The following USP32 variants were observed in gnomAD, a reference collection of about 807,000 sequenced individuals.
USP32 encodes ubiquitin carboxyl-terminal hydrolase 32.
USP32 carries 59 observed loss-of-function variants against 204.8 expected under a neutral mutation model. The ratio of observed to expected loss-of-function variants is 0.29; its 90% CI spans 0.23 to 0.36. The LOEUF (loss-of-function observed/expected upper bound fraction) is 0.36, where lower values mean the gene tolerates loss of function less well. Among genes scored for constraint, USP32 ranks in the 10% least tolerant of loss-of-function variants. The pLI is 1.00. For missense variants in USP32, 1,160 were observed against 1,946.4 expected, an observed-to-expected ratio of 0.60 and a Z score of 7.60; for synonymous variants, 517 against 678.4, an observed-to-expected ratio of 0.76 and a Z score of 3.70.
chr17:60,180,736 T>C, intron 32 of USP32, 99 bp from the exon 33 acceptor site: 2 of 1,225,144 alleles, frequency 1.6e-6, no homozygotes, highest in Non-Finnish European at 2.3e-6. Flanking sequence ...ATCATGTAAA[T>C]GATCAGTAGG....
intron 11 of USP32, among the ~76,000 whole-genome samples, chr17:60,242,796 T>C (rs190566078): frequency 3.3e-5 from 5 of 152,184 alleles, no homozygotes; most frequent in South Asian, 2.1e-4. Context: ...CTTAGGTAAA[T>C]TGTGAAATCA....
intron 1 of USP32, among the ~76,000 whole-genome samples, chr17:60,372,655 C>T (rs1427860487): frequency 6.8e-6 from 1 of 147,776 alleles, no homozygotes; most frequent in Admixed American, 6.8e-5. Context: ...GTCTGGGTAA[C>T]ACAGTAAGAC....
intron 2 of USP32, among the ~76,000 whole-genome samples, chr17:60,335,501 T>C (rs2088494497): frequency 7.0e-6 from 1 of 143,294 alleles, no homozygotes; most frequent in African/African-American, 3.0e-5. Context: ...TGTGGTCTGG[T>C]GACCTATAAA....
chr17:60,390,937 T>C (rs1001052927), intron 1 of USP32, among the ~76,000 whole-genome samples: 1 of 152,170 alleles, frequency 6.6e-6, no homozygotes, highest in Non-Finnish European at 1.5e-5. Flanking sequence ...ATTAAGACAT[T>C]CCGGCCATAA....
At chr17:60,328,502 T>G (rs1039177413) in intron 2 of USP32, among the ~76,000 whole-genome samples, 1 of 152,192 alleles carries the variant, frequency 6.6e-6, no homozygotes, top group Non-Finnish European at 1.5e-5. Flanking sequence ...AAGCTCCTCT[T>G]CATCTTCCTC....
intron 1 of USP32, among the ~76,000 whole-genome samples, chr17:60,387,963 A>T (rs544197199): frequency 6.6e-6 from 1 of 152,170 alleles, no homozygotes; most frequent in African/African-American, 2.4e-5. Flanking sequence ...GTAAAGTTAA[A>T]TTGTAAGTCG....
intron 4 of USP32, among the ~76,000 whole-genome samples, chr17:60,294,115 A>C (rs1036822306): frequency 2.0e-5 from 3 of 152,148 alleles, no homozygotes; most frequent in East Asian, 3.8e-4. Flanking sequence ...TACATTGTCC[A>C]GGCTGGTCTT....
intron 1 of USP32, among the ~76,000 whole-genome samples, chr17:60,420,856 C>A (rs925241485): frequency 1.3e-5 from 2 of 152,038 alleles, no homozygotes; most frequent in Non-Finnish European, 2.9e-5. Flanking sequence ...TGGAATCATA[C>A]CTTTTAGTTC....
intron 1 of USP32, among the ~76,000 whole-genome samples, chr17:60,349,591 AAAAAAAT>A (rs1437548818): frequency 2.0e-5 from 1 of 49,726 alleles, no homozygotes; most frequent in Non-Finnish European, 3.3e-5. Flanking sequence ...AAAAAAAAAA[AAAAAAAT>A]ATATATATAT....
At chr17:60,346,749 C>A (rs1024179063) in intron 1 of USP32, among the ~76,000 whole-genome samples, 1 of 152,132 alleles carries the variant, frequency 6.6e-6, no homozygotes, top group African/African-American at 2.4e-5. Flanking sequence ...ACAGAGAATT[C>A]TTCCAGATGA....
intron 2 of USP32, among the ~76,000 whole-genome samples, chr17:60,322,056 TA>T (rs1036099798): frequency 6.6e-6 from 1 of 152,158 alleles, no homozygotes; most frequent in Non-Finnish European, 1.5e-5. Flanking sequence ...GAAAAAAAGT[TA>T]AGTAAAATGT....
intron 2 of USP32, among the ~76,000 whole-genome samples, chr17:60,307,392 C>T (rs1598224147): frequency 6.6e-6 from 1 of 152,286 alleles, no homozygotes. Flanking sequence ...TGAGCCACCA[C>T]ACCCAGCCAG....
chr17:60,383,221 G>A (rs958680550), intron 1 of USP32, among the ~76,000 whole-genome samples: 3 of 132,932 alleles, frequency 2.3e-5, no homozygotes, highest in Non-Finnish European at 3.1e-5. Flanking sequence ...CCTGGGAAGC[G>A]ACAGACATCG....
intron 2 of USP32, among the ~76,000 whole-genome samples, chr17:60,306,106 G>T (rs2087716472): frequency 6.6e-6 from 1 of 151,852 alleles, no homozygotes; most frequent in East Asian, 1.9e-4. Context: ...GGAAAAAAAA[G>T]AACAACTATT....
Position 60,185,661 on chromosome 17 carries a change from G to A in USP32, c.3643-10C>T. The A allele has an allele frequency of 6.2e-7, 1 of 1,604,652 alleles. No individual in the cohort carries two copies. The highest frequency in any genetic ancestry group is 8.5e-7 in the Non-Finnish European group (1 of 1,173,970). ...CATGCTCATCTACAACCTGCAGGTA[G>A]AGGGAACAGGAGGAAAGGGGTGCGT... On this transcript the variant is annotated splice_polypyrimidine_tract_variant and intron_variant, in intron 29 of 33. Transcript: ENST00000300896.
At chr17:60,382,097 A>G (rs1486742252) in intron 1 of USP32, among the ~76,000 whole-genome samples, 1 of 152,178 alleles carries the variant, frequency 6.6e-6, no homozygotes, top group Non-Finnish European at 1.5e-5. Flanking sequence ...TATGATTTCT[A>G]TTTCCAGAGG....
chr17:60,315,445 A>C (rs2087950602), intron 2 of USP32, among the ~76,000 whole-genome samples: 2 of 152,108 alleles, frequency 1.3e-5, no homozygotes, highest in Admixed American at 6.6e-5. Context: ...AATAAATAAC[A>C]AGAATGTAAA....
intron 4 of USP32, among the ~76,000 whole-genome samples, chr17:60,289,216 G>A (rs888000163): frequency 6.6e-6 from 1 of 152,146 alleles, no homozygotes; most frequent in Non-Finnish European, 1.5e-5. Flanking sequence ...CACCGTGTTA[G>A]CCAGGATGGT....
chr17:60,325,834 C>G (rs1358604934), intron 2 of USP32, among the ~76,000 whole-genome samples: 2 of 152,022 alleles, frequency 1.3e-5, no homozygotes, highest in East Asian at 3.9e-4. Flanking sequence ...GAGGCTGAGG[C>G]AGGAAGATTG....
Sources: gnomAD v4.1 joint callset for allele counts (sites outside exome capture counted in the v4.1 genomes callset) on GRCh38, gnomAD v4.1.1 for gene constraint, MANE v1.5 for transcripts, NCBI Gene and HGNC (gene_info 2026-07-23, HGNC 2026-07-21) for gene names.